Variants in SRPRB observed in about 807,000 individuals in gnomAD.
The protein encoded by SRPRB is signal recognition particle receptor subunit beta.
In SRPRB, 20 loss-of-function variants were observed where a neutral mutation model predicts 31.9. That is an observed-to-expected ratio of 0.63 (90% CI 0.44 to 0.91). The LOEUF (loss-of-function observed/expected upper bound fraction) is 0.91, where lower values mean the gene tolerates loss of function less well. Ranked by LOEUF, SRPRB falls within the 40% of genes least tolerant of loss-of-function variation. The pLI is 0.00. For synonymous variants in SRPRB, 146 were observed against 132.8 expected, an observed-to-expected ratio of 1.10 and a Z score of -0.68; for missense variants, 321 against 324.9, an observed-to-expected ratio of 0.99 and a Z score of 0.09.
chr3:133,796,628 C>T (rs932354751), intron 1 of SRPRB: 1 of 152,180 alleles, frequency 6.6e-6, no homozygotes, highest in Non-Finnish European at 1.5e-5. Flanking sequence ...TAAACCTCTG[C>T]TTTTGTTGCT....
At chr3:133,792,639 G>GC (rs1268459924) in intron 1 of SRPRB, 20 of 152,256 alleles carry the variant, frequency 1.3e-4, no homozygotes, top group African/African-American at 4.8e-4. Flanking sequence ...GACTACTGAA[G>GC]CAACAGTTTT....
chr3:133,818,834 A>T (rs924995966), intron 6 of SRPRB, among the ~76,000 whole-genome samples: 5 of 144,900 alleles, frequency 3.5e-5, no homozygotes, highest in Non-Finnish European at 6.0e-5. Context: ...TCCTTCCTAA[A>T]CAAGGTATTG....
At position 133,819,813 on chromosome 3, in the gene SRPRB, G is replaced by A; in HGVS notation, c.*47G>A. 1 of 1,567,338 alleles carries A rather than the reference G, an allele frequency of 6.4e-7. No individual in the cohort carries two copies. Among genetic ancestry groups the A allele is most frequent in the Non-Finnish European group, 8.7e-7 (1 of 1,147,334 alleles). ...ACCTGGATGTGTGACACACAGTTTT[G>A]GAAAAAGGTCTGTGGTAGTCTGGAG... is the stretch of plus-strand genomic sequence containing the variant. On this transcript the variant is annotated 3_prime_UTR_variant, in exon 7 of 7. Coordinates refer to ENST00000678299, the MANE Select transcript of SRPRB (RefSeq NM_001379313.1).
At chr3:133,792,786 G>A (rs1048702412) in intron 1 of SRPRB, 2 of 152,122 alleles carry the variant, frequency 1.3e-5, no homozygotes, top group African/African-American at 4.8e-5. Flanking sequence ...GTTTGAATGA[G>A]TTGTGGAAGA....
At position 133,806,697 on chromosome 3, in the gene SRPRB, T is replaced by C. The variant is rs759946805; in HGVS notation, c.243T>C (p.Phe81=). 1 of 1,613,832 alleles carries C rather than the reference T, an allele frequency of 6.2e-7. No individual in the cohort carries two copies. Among genetic ancestry groups the C allele is most frequent in the South Asian group, 1.1e-5 (1 of 91,054 alleles). ...GLCDSGKTLL[F]VRLLTGLYRD... is the part of the protein sequence containing the mutation. ...GTGATTCCGGGAAAACGTTGCTCTT[T>C]GTCAGGGTAAATGATTTCATTGACA... The change falls in exon 2 of 7, where the codon TTT becomes TTC. Residue 81 remains phenylalanine (F), a synonymous_variant. Coordinates refer to ENST00000678299, the MANE Select transcript of SRPRB (RefSeq NM_001379313.1).
chr3:133,804,562 G>A (rs551055102), upstream of SRPRB, among the ~76,000 whole-genome samples: 41 of 152,268 alleles, frequency 2.7e-4, no homozygotes, highest in African/African-American at 9.4e-4. Flanking sequence ...ACAGGGAGTT[G>A]CTGGGTAGCC....
intron 1 of SRPRB, chr3:133,786,922 T>C (rs1487913334): frequency 1.3e-5 from 2 of 152,264 alleles, no homozygotes; most frequent in Non-Finnish European, 2.9e-5. Context: ...TAAATATCTT[T>C]TTGCTAAAAT....
At chr3:133,787,325 C>A (rs754496742) in intron 1 of SRPRB, 6 of 152,176 alleles carry the variant, frequency 3.9e-5, no homozygotes, top group Non-Finnish European at 8.8e-5. Flanking sequence ...AAGCGTTACA[C>A]ATGCCTGTAC....
At chr3:133,801,884 C>T (rs1298661392), upstream of SRPRB, among the ~76,000 whole-genome samples, 4 of 152,158 alleles carry the variant, frequency 2.6e-5, no homozygotes, top group Non-Finnish European at 5.9e-5. Flanking sequence ...ACATCTTAAC[C>T]GTCCTTCCTT....
intron 4 of SRPRB, among the ~76,000 whole-genome samples, chr3:133,814,366 C>T (rs1042616109): frequency 2.0e-5 from 3 of 152,042 alleles, no homozygotes; most frequent in Non-Finnish European, 4.4e-5. Flanking sequence ...CTCCTGACCT[C>T]GTGATCCGCC....
In SRPRB at chr3:133,807,806, A is replaced by C. The variant is rs749322441; in HGVS notation, c.310A>C (p.Arg104=). ...CATTACTGACAGCTGTGCTGTATAC[A>C]GAGTCAACAATAACAGGGTAAGATG... The part of the protein sequence containing the change: ...TSITDSCAVY[R]VNNNRGNSLT... The change falls in exon 3 of 7, where the codon AGA becomes CGA. Residue 104 remains arginine, a synonymous_variant. Transcript: ENST00000678299. 9.9e-6 allele frequency: 16 copies of C among 1,611,104 alleles called. No individual in the cohort carries two copies. Among genetic ancestry groups the C allele is most frequent in the African/African-American group, 1.3e-5 (1 of 74,842 alleles).
upstream of SRPRB, among the ~76,000 whole-genome samples, chr3:133,805,140 C>G (rs148213865): frequency 6.6e-5 from 10 of 152,324 alleles, no homozygotes; most frequent in Admixed American, 1.3e-4. Flanking sequence ...CTGCAGTTTT[C>G]AACAGCCCCA....
upstream of SRPRB, chr3:133,805,547 CCAT>C: frequency 3.7e-6 from 1 of 273,308 alleles, no homozygotes; most frequent in Non-Finnish European, 6.8e-6. Context: ...GTTTCGGGAG[CCAT>C]TCATTCATTT....
rs367599793 is a variant in SRPRB, at chr3:133,811,177, G to C, written c.388G>C (p.Glu130Gln). The part of the protein sequence containing the change: ...GHESLRLQFL[E>Q]RFKSSARAIV... ...TGAGAGTTTGAGGCTTCAGTTCTTAGAGCGGTTTAAGTCTTCAGCCAGGTA... is the reference window on the plus strand; with the variant it reads ...TGAGAGTTTGAGGCTTCAGTTCTTACAGCGGTTTAAGTCTTCAGCCAGGTA... The change falls in exon 4 of 7, where the codon GAG becomes CAG. Residue 130 changes from glutamate to glutamine, a missense_variant. Coordinates refer to ENST00000678299, the MANE Select transcript of SRPRB (RefSeq NM_001379313.1). 2.6e-5 allele frequency: 42 copies of C among 1,614,064 alleles called. No homozygotes were observed. Among genetic ancestry groups the C allele is most frequent in the African/African-American group, 6.7e-5 (5 of 74,912 alleles).
At chr3:133,813,948 G>A (rs565735930) in intron 4 of SRPRB, among the ~76,000 whole-genome samples, 1 of 152,192 alleles carries the variant, frequency 6.6e-6, no homozygotes, top group Non-Finnish European at 1.5e-5. Context: ...CCCTATATCT[G>A]TGTGAGGCAG....
chr3:133,797,305 T>C (rs927142911), intron 1 of SRPRB, among the ~76,000 whole-genome samples: 2 of 152,228 alleles, frequency 1.3e-5, no homozygotes, highest in Non-Finnish European at 2.9e-5. Context: ...CCCCTAAGCA[T>C]TACAGATGTT....
At chr3:133,809,788 CTTTT>C (rs1935225710) in intron 3 of SRPRB, among the ~76,000 whole-genome samples, 1 of 151,932 alleles carries the variant, frequency 6.6e-6, no homozygotes, top group Non-Finnish European at 1.5e-5. Context: ...TTAATAATTT[CTTTT>C]TTTATTACAT....
chr3:133,806,445 C>A (rs1306528278), intron 1 of SRPRB, 164 bp from the exon 2 acceptor site: 4 of 590,812 alleles, frequency 6.8e-6, no homozygotes, highest in Admixed American at 2.9e-5. Context: ...GCCTGGCTCT[C>A]AGTGGATCCC....
chr3:133,807,773 CAG>C lies in SRPRB; in HGVS notation c.279_280del (p.Gln93HisfsTer5), dbSNP rs1935189176. 8.1e-6 allele frequency: 13 copies of C among 1,612,760 alleles called. No individual in the cohort carries two copies. Among genetic ancestry groups the C allele is most frequent in the Non-Finnish European group, 9.3e-6 (11 of 1,179,750 alleles). On this transcript the variant is annotated frameshift_variant, in exon 3 of 7. Coordinates refer to ENST00000678299, the MANE Select transcript of SRPRB (RefSeq NM_001379313.1). LOFTEE classifies it high-confidence loss of function. ...RLLTGLYRDT[Q>X]TSITDSCAVY... ...GTTAACAGGCCTTTATAGAGACACT[CAG>C]ACGTCCATTACTGACAGCTGTGCTG...
Sources: gnomAD v4.1 joint callset for allele counts (sites outside exome capture counted in the v4.1 genomes callset) on GRCh38, gnomAD v4.1.1 for gene constraint, MANE v1.5 for transcripts, NCBI Gene and HGNC (gene_info 2026-07-23, HGNC 2026-07-21) for gene names.